TMC1: variants seen among roughly 807,000 people sequenced by gnomAD.
The protein encoded by TMC1 is transmembrane channel like 1.
A neutral mutation model predicts 105.8 loss-of-function variants in TMC1; 84 were observed. The ratio of observed to expected loss-of-function variants is 0.79; its 90% CI spans 0.67 to 0.95. The LOEUF is 0.95. Among genes scored for constraint, TMC1 ranks in the 40% least tolerant of loss-of-function variants. TMC1 has a pLI of 0.00. For missense variants in TMC1, 817 were observed against 914.1 expected (o/e 0.89, Z 1.37); for synonymous variants, 315 against 311.5 (o/e 1.01, Z -0.12).
At chr9:72,620,176 C>T (rs369876426) in intron 3 of TMC1, among the ~76,000 whole-genome samples, 3 of 150,576 alleles carry the variant, frequency 2.0e-5, no homozygotes, top group South Asian at 4.3e-4. Context: ...AAGTGACATG[C>T]TCAAGTCCAT....
At chr9:72,751,310 T>C (rs1827576570) in intron 10 of TMC1, among the ~76,000 whole-genome samples, 1 of 152,224 alleles carries the variant, frequency 6.6e-6, no homozygotes, top group African/African-American at 2.4e-5. Flanking sequence ...ATACCATCCC[T>C]GTAAAATTCC....
chr9:72,527,096 C>T (rs1823418606), intron 1 of TMC1, among the ~76,000 whole-genome samples: 1 of 152,188 alleles, frequency 6.6e-6, no homozygotes, highest in Admixed American at 6.5e-5. Flanking sequence ...GATGTTAGCT[C>T]TGAGGGGCGT....
Position 72,616,073 on chromosome 9 carries a change from G to A in TMC1, c.-305-295G>A, listed in dbSNP as rs569016281. ...TTGACCCCATTTGTTGATGCTTAGG[G>A]ATGAAAGTGGAAACTCCACTGCTAA... is the stretch of plus-strand genomic sequence containing the variant. On this transcript the variant is annotated intron_variant, in intron 2 of 23. Coordinates refer to ENST00000297784, the MANE Select transcript of TMC1 (RefSeq NM_138691.3). Among the ~76,000 whole-genome samples the A allele has an allele frequency of 3.9e-4, 60 of 152,230 alleles. 3 individuals are homozygous for A. The South Asian group carries it at 0.012, about 30-fold the overall frequency.
At chr9:72,624,751 G>T (rs1363559877) in intron 3 of TMC1, among the ~76,000 whole-genome samples, 1 of 152,202 alleles carries the variant, frequency 6.6e-6, no homozygotes, top group East Asian at 1.9e-4. Flanking sequence ...ACAGATTCAG[G>T]TGGTACAGCT....
chr9:72,738,234 C>A (rs202042244), intron 8 of TMC1, among the ~76,000 whole-genome samples: 2 of 152,176 alleles, frequency 1.3e-5, no homozygotes, highest in East Asian at 3.9e-4. Context: ...TACCACTGTG[C>A]CTATATTTTT....
intron 6 of TMC1, among the ~76,000 whole-genome samples, chr9:72,691,153 A>T (rs1033158318): frequency 6.6e-6 from 1 of 151,852 alleles, no homozygotes; most frequent in Admixed American, 6.6e-5. Context: ...GTGTTCAGTT[A>T]TTGTCTTGTA....
chr9:72,569,708 G>C (rs945459573), intron 1 of TMC1, among the ~76,000 whole-genome samples: 1 of 152,178 alleles, frequency 6.6e-6, no homozygotes, highest in African/African-American at 2.4e-5. Flanking sequence ...AGGTAGGCAG[G>C]AGGAGCTCCT....
intron 11 of TMC1, among the ~76,000 whole-genome samples, chr9:72,754,465 C>T (rs1184410959): frequency 1.3e-5 from 2 of 152,110 alleles, no homozygotes; most frequent in Non-Finnish European, 2.9e-5. Context: ...CAAAAGGCTA[C>T]CTCTCTCCTT....
intron 4 of TMC1, among the ~76,000 whole-genome samples, chr9:72,639,538 G>C (rs1431869302): frequency 6.6e-6 from 1 of 152,206 alleles, no homozygotes; most frequent in East Asian, 1.9e-4. Context: ...AAGATTTTCT[G>C]TGCAGAAGTT....
chr9:72,630,092 C>T (rs1825423355), intron 4 of TMC1, among the ~76,000 whole-genome samples: 1 of 152,112 alleles, frequency 6.6e-6, no homozygotes, highest in South Asian at 2.1e-4. Flanking sequence ...TCTCGAACTC[C>T]TGACCTCAGA....
At chr9:72,752,447 A>AACACACACACACACACAC (rs10640023) in intron 11 of TMC1, among the ~76,000 whole-genome samples, 50 of 149,204 alleles carry the variant, frequency 3.4e-4, no homozygotes, top group African/African-American at 1.2e-3. Context: ...TAATGCCCAC[A>AACACACACACACACACAC]ACACACACAC....
intron 1 of TMC1, among the ~76,000 whole-genome samples, chr9:72,577,613 A>AT (rs1824406035): frequency 6.6e-6 from 1 of 152,150 alleles, no homozygotes; most frequent in African/African-American, 2.4e-5. Flanking sequence ...TTGGCAAAGC[A>AT]TATTGAGCTT....
Position 72,570,676 on chromosome 9 carries a change from C to CTTTTT in TMC1, c.-427-7200_-427-7196dup, listed in dbSNP as rs529953890. Among the ~76,000 whole-genome samples the CTTTTT allele has an allele frequency of 4.8e-4, 36 of 75,650 alleles. 1 individual carries two copies. Among genetic ancestry groups the CTTTTT allele is most frequent in the Admixed American group, 5.9e-4 (3 of 5,124 alleles). The allele number at this position is 75,650 out of a possible 152,430, so 49.6% of individuals were successfully genotyped here. A position where few individuals can be genotyped will look rare whatever the true frequency, so the allele number is the denominator to read the frequency against. ...AGAAATCTACACTTTGCCAAATTTC[C>CTTTTT]TTTTTTTTTTTTTTTTTTTTTTTTT... On this transcript the variant is annotated intron_variant, in intron 1 of 23. Transcript: ENST00000297784.
chr9:72,752,723 A>G (rs1564531493), intron 11 of TMC1, among the ~76,000 whole-genome samples: 1 of 152,176 alleles, frequency 6.6e-6, no homozygotes, highest in Non-Finnish European at 1.5e-5. Flanking sequence ...ACCTTTTAGG[A>G]CCAGTATTTC....
chr9:72,707,201 A>G (rs556403904), intron 8 of TMC1, among the ~76,000 whole-genome samples: 1 of 152,330 alleles, frequency 6.6e-6, no homozygotes, highest in Admixed American at 6.5e-5. Flanking sequence ...GCAATTGTGA[A>G]TTCTGCTGCT....
intron 2 of TMC1, among the ~76,000 whole-genome samples, chr9:72,612,689 C>T (rs557785456): frequency 6.6e-6 from 1 of 152,274 alleles, no homozygotes; most frequent in Admixed American, 6.5e-5. Flanking sequence ...AATTGAAAGA[C>T]CCATGATCTA....
chr9:72,583,786 T>C (rs765456896), intron 2 of TMC1, among the ~76,000 whole-genome samples: 31 of 152,214 alleles, frequency 2.0e-4, no homozygotes, highest in Non-Finnish European at 3.5e-4. Flanking sequence ...TGATCTTCAG[T>C]CTTGGCTTTA....
At chr9:72,703,844 C>T (rs1423300214) in intron 8 of TMC1, among the ~76,000 whole-genome samples, 12 of 152,184 alleles carry the variant, frequency 7.9e-5, no homozygotes, top group Admixed American at 2.6e-4. Context: ...GCCTTGTGGC[C>T]GCACCTATGG....
chr9:72,551,524 G>T, intron 1 of TMC1, among the ~76,000 whole-genome samples: 1 of 152,142 alleles, frequency 6.6e-6, no homozygotes. Context: ...AGATGGTGTG[G>T]GGGATTCAGG....
Sources: gnomAD v4.1 joint callset for allele counts (sites outside exome capture counted in the v4.1 genomes callset) on GRCh38, gnomAD v4.1.1 for gene constraint, MANE v1.5 for transcripts, NCBI Gene and HGNC (gene_info 2026-07-23, HGNC 2026-07-21) for gene names.